The following IGSF21 variants were observed in gnomAD, a reference collection of about 807,000 sequenced individuals.
IGSF21 encodes the protein immunoglobulin superfamily member 21.
A neutral mutation model predicts 46.8 loss-of-function variants in IGSF21; 28 were observed. That is an observed-to-expected ratio of 0.60 (90% CI 0.44 to 0.82). IGSF21 has a LOEUF of 0.82. IGSF21 is among the 40% of genes least tolerant of loss of function. The pLI, the probability that IGSF21 is intolerant of heterozygous loss-of-function variation, is 0.00. For missense variants in IGSF21, 624 were observed against 665.5 expected, an observed-to-expected ratio of 0.94 and a Z score of 0.69; for synonymous variants, 284 against 273.6, an observed-to-expected ratio of 1.04 and a Z score of -0.38.
chr1:18,189,570 T>C (rs931151948), intron 1 of IGSF21, among the ~76,000 whole-genome samples: 2 of 151,974 alleles, frequency 1.3e-5, no homozygotes, highest in Admixed American at 6.6e-5. Flanking sequence ...CTGAGCTTGA[T>C]TTCCTGCAAC....
chr1:18,228,116 C>A, intron 2 of IGSF21, 106 bp downstream of exon 2: 1 of 846,414 alleles, frequency 1.2e-6, no homozygotes, highest in Non-Finnish European at 1.9e-6. Flanking sequence ...TCAGCCCTGA[C>A]CCAGTCCTGA....
chr1:18,200,491 G>T (rs1234134244), intron 1 of IGSF21, among the ~76,000 whole-genome samples: 3 of 152,172 alleles, frequency 2.0e-5, no homozygotes, highest in Non-Finnish European at 4.4e-5. Flanking sequence ...GGTGGCTGCT[G>T]CAATTCTTGG....
intron 1 of IGSF21, among the ~76,000 whole-genome samples, chr1:18,121,387 T>A (rs2124407671): frequency 6.6e-6 from 1 of 152,308 alleles, no homozygotes; most frequent in Non-Finnish European, 1.5e-5. Flanking sequence ...GCTACTAAGT[T>A]GGCTGAGGTG....
At chr1:18,353,603 A>G (rs888386894) in intron 4 of IGSF21, among the ~76,000 whole-genome samples, 2 of 152,154 alleles carry the variant, frequency 1.3e-5, no homozygotes, top group Non-Finnish European at 2.9e-5. Context: ...GGCCCCAAAC[A>G]AAAGAGAGCT....
intron 1 of IGSF21, among the ~76,000 whole-genome samples, chr1:18,122,492 C>T (rs930786622): frequency 6.6e-6 from 1 of 151,704 alleles, no homozygotes; most frequent in Non-Finnish European, 1.5e-5. Flanking sequence ...CGCCAAGCCA[C>T]CCCAACTGTA....
chr1:18,195,328 A>G (rs1298060101), intron 1 of IGSF21, among the ~76,000 whole-genome samples: 1 of 152,224 alleles, frequency 6.6e-6, no homozygotes, highest in Non-Finnish European at 1.5e-5. Flanking sequence ...GGAACAGCAC[A>G]GGGAACTTGG....
At chr1:18,144,203 C>G (rs1200499674) in intron 1 of IGSF21, among the ~76,000 whole-genome samples, 1 of 152,212 alleles carries the variant, frequency 6.6e-6, no homozygotes, top group African/African-American at 2.4e-5. Context: ...CTCTGCTCCT[C>G]CCATCTTCTC....
chr1:18,364,003 G>GT (rs930408288), intron 5 of IGSF21, among the ~76,000 whole-genome samples: 10 of 152,178 alleles, frequency 6.6e-5, no homozygotes, highest in South Asian at 2.1e-4. Flanking sequence ...CAGGAAAGCT[G>GT]TTTTTTTCTC....
chr1:18,140,408 C>T (rs1256971925), intron 1 of IGSF21, among the ~76,000 whole-genome samples: 1 of 152,192 alleles, frequency 6.6e-6, no homozygotes, highest in Non-Finnish European at 1.5e-5. Context: ...AAGCTACCTG[C>T]ATCTGAATTA....
intron 2 of IGSF21, among the ~76,000 whole-genome samples, chr1:18,249,841 C>T (rs1397638140): frequency 6.6e-6 from 1 of 152,192 alleles, no homozygotes; most frequent in African/African-American, 2.4e-5. Flanking sequence ...GCACCCCAGG[C>T]CCTGGCTCTG....
chr1:18,115,592 G>C (rs1296019067), intron 1 of IGSF21: 1 of 152,130 alleles, frequency 6.6e-6, no homozygotes, highest in Non-Finnish European at 1.5e-5. Flanking sequence ...GTGAGAATGT[G>C]TCCATTGTCC....
rs144360749 is a variant in IGSF21 at position 18,318,120 on chromosome 1, T to G, written c.306-16772T>G. Among the ~76,000 whole-genome samples the G allele has an allele frequency of 4.2e-3, 644 of 152,280 alleles. 5 individuals are homozygous for G. Among genetic ancestry groups the G allele is most frequent in the African/African-American group, 0.014 (573 of 41,560 alleles). On this transcript the variant is annotated intron_variant, in intron 3 of 9. Transcript: ENST00000251296. The stretch of plus-strand genomic sequence containing the variant: ...GGTAGTCATGGTGACTATAGATGGC[T>G]CTTCCCAAACCAGGATTGTGGGCCA...
chr1:18,268,817 G>C (rs79587117), intron 2 of IGSF21, among the ~76,000 whole-genome samples: 1 of 152,154 alleles, frequency 6.6e-6, no homozygotes, highest in Non-Finnish European at 1.5e-5. Context: ...AGGCTTATCC[G>C]GATGGAAGGC....
chr1:18,260,190 G>A (rs2084933474), intron 2 of IGSF21, among the ~76,000 whole-genome samples: 1 of 152,252 alleles, frequency 6.6e-6, no homozygotes, highest in Non-Finnish European at 1.5e-5. Flanking sequence ...GGGGCAAACA[G>A]GAGGGACACT....
rs548691661 is a variant in IGSF21 at position 18,335,750 on chromosome 1, G to A, written c.424+740G>A. Among the ~76,000 whole-genome samples the A allele has an allele frequency of 2.0e-5, 3 of 152,220 alleles. No homozygotes were observed. The highest frequency in any genetic ancestry group is 3.9e-4 in the East Asian group (2 of 5,176). ...TACGTATCAGGGAAACAAAGCTTGC[G>A]GTACACAGGCAATCGATGAAAGCAT... On this transcript the variant is annotated intron_variant, in intron 4 of 9. Coordinates refer to ENST00000251296, the MANE Select transcript of IGSF21 (RefSeq NM_032880.5). This position sits in a 1 kb window ranked among gnomAD's most constrained non-coding sequence, Gnocchi z 4.8.
chr1:18,127,487 C>T (rs1386158883), intron 1 of IGSF21, among the ~76,000 whole-genome samples: 1 of 152,048 alleles, frequency 6.6e-6, no homozygotes, highest in African/African-American at 2.4e-5. Context: ...TGTGTGGTAT[C>T]AGGGCCACGT....
At chr1:18,240,956 G>A (rs1217526013) in intron 2 of IGSF21, among the ~76,000 whole-genome samples, 1 of 152,204 alleles carries the variant, frequency 6.6e-6, no homozygotes, top group Non-Finnish European at 1.5e-5. Context: ...GCTAGTTGGG[G>A]TTGAGTATGG....
At chr1:18,265,732 CTG>C (rs1208185652) in intron 2 of IGSF21, among the ~76,000 whole-genome samples, 2 of 152,368 alleles carry the variant, frequency 1.3e-5, no homozygotes, top group Non-Finnish European at 2.9e-5. Context: ...GCTGAATTCT[CTG>C]CTCTTCACTC....
At chr1:18,261,101 C>A (rs980465248) in intron 2 of IGSF21, among the ~76,000 whole-genome samples, 6 of 152,172 alleles carry the variant, frequency 3.9e-5, no homozygotes, top group African/African-American at 1.4e-4. Context: ...AGCTGGGGAC[C>A]CCAGGCCAAC....
Sources: gnomAD v4.1 joint callset for allele counts (sites outside exome capture counted in the v4.1 genomes callset) on GRCh38, gnomAD v4.1.1 for gene constraint, Gnocchi (gnomAD v3.1) non-coding constraint, MANE v1.5 for transcripts, NCBI Gene and HGNC (gene_info 2026-07-23, HGNC 2026-07-21) for gene names.